PSEN2: variants seen among roughly 807,000 people sequenced by gnomAD.
PSEN2 encodes presenilin-2.
PSEN2 carries 32 observed loss-of-function variants against 49.1 expected under a neutral mutation model. The observed-to-expected ratio is 0.65, with a 90% CI of 0.49 to 0.88. The LOEUF is 0.88. Ranked by LOEUF, PSEN2 falls within the 40% of genes least tolerant of loss-of-function variation. The probability of loss-of-function intolerance (pLI) is 0.00; values close to 1 mark genes in which losing one functional copy is unlikely to be tolerated. For missense variants in PSEN2, 522 were observed against 586.9 expected (o/e 0.89, Z 1.14); for synonymous variants, 255 against 244.0 (o/e 1.05, Z -0.42).
At chr1:226,901,653 T>C (rs1393311575), downstream of PSEN2, among the ~76,000 whole-genome samples, 1 of 152,230 alleles carries the variant, frequency 6.6e-6, no homozygotes, top group Non-Finnish European at 1.5e-5. Flanking sequence ...TGCTGACTAA[T>C]GACGTTGGGC....
intron 4 of PSEN2, among the ~76,000 whole-genome samples, chr1:226,883,335 C>T (rs111483776): frequency 0.01 from 1,595 of 152,326 alleles, 23 homozygotes; most frequent in African/African-American, 0.036. Context: ...GTTTATTTAT[C>T]TCCTGGCCTG....
intron 3 of PSEN2, chr1:226,880,475 A>T: frequency 6.8e-7 from 1 of 1,459,944 alleles, no homozygotes; most frequent in South Asian, 1.4e-5. Context: ...CCAGGGTGTG[A>T]AGCTCAGCCC....
chr1:226,901,218 C>T (rs984636865), downstream of PSEN2, among the ~76,000 whole-genome samples: 4 of 152,018 alleles, frequency 2.6e-5, no homozygotes, highest in Non-Finnish European at 5.9e-5. Context: ...GGCGGGTCAC[C>T]TGAGGTCAGG....
chr1:226,893,771 G>A (rs1037888763), intron 11 of PSEN2, among the ~76,000 whole-genome samples: 3 of 152,238 alleles, frequency 2.0e-5, no homozygotes, highest in Admixed American at 6.5e-5. Context: ...AGAACTGCCC[G>A]CTTTTCTCTG....
In PSEN2 at chr1:226,889,134, GCT is replaced by G. The variant is rs1399569684; in HGVS notation, c.787+86_787+87del. 5.5e-6 allele frequency: 7 copies of G among 1,280,292 alleles called. No homozygotes were observed. In the African/African-American group the frequency reaches 1.0e-4, roughly 19 times the overall value. 79.3% of individuals were successfully genotyped at this position (1,280,292 alleles called of 1,614,324 possible). On this transcript the variant is annotated intron_variant, in intron 8 of 12. Coordinates refer to ENST00000366783, the MANE Select transcript of PSEN2 (RefSeq NM_000447.3). ...CCAGTGCTGCACAAGGAGGGCAGGT[GCT>G]GAAGGGCTTGCATCCCTTTCTGCAG...
intron 12 of PSEN2, among the ~76,000 whole-genome samples, chr1:226,902,209 A>G (rs988582129): frequency 1.3e-5 from 2 of 152,152 alleles, no homozygotes; most frequent in Non-Finnish European, 2.9e-5. Context: ...TGGCGTGCAC[A>G]GTTCACAATG....
intron 9 of PSEN2, among the ~76,000 whole-genome samples, chr1:226,890,367 G>T (rs543275191): frequency 6.6e-6 from 1 of 152,228 alleles, no homozygotes; most frequent in African/African-American, 2.4e-5. Context: ...ACTTCATCCC[G>T]TCCATCCTCC....
chr1:226,873,954 T>A (rs1295621), intron 2 of PSEN2, among the ~76,000 whole-genome samples: 34,426 of 152,038 alleles, frequency 0.23, 4,104 homozygotes, highest in East Asian at 0.43. Flanking sequence ...ACCCTCCCTT[T>A]TGCCCCAGAG....
intron 12 of PSEN2, among the ~76,000 whole-genome samples, chr1:226,902,794 G>C (rs540490741): frequency 6.6e-6 from 1 of 152,102 alleles, no homozygotes; most frequent in Non-Finnish European, 1.5e-5. Context: ...AGGAAATCAG[G>C]TTCCGAGTCT....
Position 226,895,553 on chromosome 1 carries a change from C to A in PSEN2, c.1321C>A (p.Leu441Met). The change falls in exon 13 of 13, where the codon CTG becomes ATG. Residue 441 changes from leucine to methionine, a missense_variant. Leu to Met is a conservative substitution (Grantham distance 15). Transcript: ENST00000366783. The stretch of plus-strand genomic sequence containing the variant: ...CCTGGTGCGGCCGTTCATGGACACC[C>A]TGGCCTCCCATCAGCTCTACATCTG... ...DNLVRPFMDTLASHQLYI is the reference protein window; with the variant it reads ...DNLVRPFMDTMASHQLYI The A allele has an allele frequency of 6.2e-7, 1 of 1,613,380 alleles. No individual in the cohort carries two copies. Among genetic ancestry groups the A allele is most frequent in the Non-Finnish European group, 8.5e-7 (1 of 1,179,678 alleles).
intron 5 of PSEN2, among the ~76,000 whole-genome samples, chr1:226,884,925 A>G (rs938488467): frequency 2.0e-5 from 3 of 152,166 alleles, no homozygotes; most frequent in African/African-American, 7.2e-5. Flanking sequence ...ATTTTTTTAA[A>G]AAATTAAAAA....
intron 3 of PSEN2, among the ~76,000 whole-genome samples, chr1:226,881,345 C>T (rs552169540): frequency 6.6e-6 from 1 of 152,364 alleles, no homozygotes; most frequent in Admixed American, 6.5e-5. Flanking sequence ...GCCTTCTGCC[C>T]TTCCCTCCTC....
Position 226,895,548 on chromosome 1 carries a change from A to C in PSEN2, c.1316A>C (p.Asp439Ala), listed in dbSNP as rs63750110. ...GACAACCTGGTGCGGCCGTTCATGG[A>C]CACCCTGGCCTCCCATCAGCTCTAC... is the stretch of plus-strand genomic sequence containing the variant. The part of the protein sequence containing the change: ...STDNLVRPFM[D>A]TLASHQLYI The change falls in exon 13 of 13, where the codon GAC becomes GCC. Residue 439 changes from aspartate (D) to alanine (A), a missense_variant. Coordinates refer to ENST00000366783, the MANE Select transcript of PSEN2 (RefSeq NM_000447.3). The C allele has an allele frequency of 1.4e-4, 233 of 1,613,350 alleles. No homozygotes were observed. The highest frequency in any genetic ancestry group is 1.9e-4 in the Non-Finnish European group (221 of 1,179,762).
chr1:226,891,205 G>C, intron 9 of PSEN2, 73 bp from the exon 10 acceptor site: 4 of 1,355,130 alleles, frequency 3.0e-6, no homozygotes, highest in Non-Finnish European at 4.2e-6. Context: ...ACGCAGACTG[G>C]CCACCTCCCC....
At position 226,883,775 on chromosome 1, in the gene PSEN2, G is replaced by A. The variant is rs769031756; in HGVS notation, c.212G>A (p.Arg71Gln). The change falls in exon 5 of 13, where the codon CGG (arginine) becomes CAG (glutamine). Residue 71 changes from arginine to glutamine, a missense_variant. By Grantham distance (43) the Arg-to-Gln change is conservative. Coordinates refer to ENST00000366783, the MANE Select transcript of PSEN2 (RefSeq NM_000447.3). ...DRYVCSGVPG[R>Q]PPGLEEELTL... ...TATGTCTGTAGTGGGGTTCCCGGGC[G>A]GCCGCCAGGCCTGGAGGAAGAGCTG... The A allele has an allele frequency of 8.1e-6, 13 of 1,614,056 alleles. No individual in the cohort carries two copies. The highest frequency in any genetic ancestry group is 6.6e-5 in the South Asian group (6 of 91,082).
chr1:226,900,831 GT>G (rs1486049380), downstream of PSEN2, among the ~76,000 whole-genome samples: 2 of 152,208 alleles, frequency 1.3e-5, no homozygotes, highest in Non-Finnish European at 2.9e-5. Context: ...TGTGGACTCT[GT>G]AGAGAGTAAC....
chr1:226,894,676 C>T (rs1558154930), intron 12 of PSEN2, among the ~76,000 whole-genome samples: 2 of 152,302 alleles, frequency 1.3e-5, no homozygotes, highest in South Asian at 2.1e-4. Context: ...GACGTCCTGC[C>T]GTGACTTCAT....
At chr1:226,874,673 T>G (rs914933207) in intron 2 of PSEN2, among the ~76,000 whole-genome samples, 2 of 152,226 alleles carry the variant, frequency 1.3e-5, no homozygotes, top group African/African-American at 4.8e-5. Flanking sequence ...TAACTACGAC[T>G]TATTGAACAT....
chr1:226,885,715 C>G (rs1661318725), intron 6 of PSEN2, 36 bp downstream of exon 6: 2 of 1,601,362 alleles, frequency 1.2e-6, no homozygotes, highest in South Asian at 1.1e-5. Context: ...CCACGCTTCT[C>G]TCCGTCTGCC....
Sources: allele counts gnomAD v4.1 joint callset (sites outside exome capture counted in the v4.1 genomes callset), GRCh38; gene constraint gnomAD v4.1.1; transcripts MANE v1.5; gene names NCBI Gene and HGNC (gene_info 2026-07-23, HGNC 2026-07-21).